Variants in TRPS1 observed in about 807,000 individuals in gnomAD.
TRPS1 encodes transcriptional repressor GATA binding 1.
A neutral mutation model predicts 101.2 loss-of-function variants in TRPS1; 6 were observed. The observed-to-expected ratio is 0.06, with a 90% CI of 0.03 to 0.12. The LOEUF (loss-of-function observed/expected upper bound fraction) is 0.12, where lower values mean the gene tolerates loss of function less well. Among genes scored for constraint, TRPS1 ranks in the 10% least tolerant of loss-of-function variants. The pLI is 1.00. For synonymous variants in TRPS1, 578 were observed against 589.8 expected, an observed-to-expected ratio of 0.98 and a Z score of 0.29; for missense variants, 1,363 against 1,567.0, an observed-to-expected ratio of 0.87 and a Z score of 2.20.
chr8:115,451,788 C>T (rs1324468142), intron 5 of TRPS1, among the ~76,000 whole-genome samples: 1 of 152,176 alleles, frequency 6.6e-6, no homozygotes, highest in Non-Finnish European at 1.5e-5. Flanking sequence ...CAATGAGCCT[C>T]ATGTGGCCTT....
chr8:115,433,329 T>C (rs1318816499), intron 5 of TRPS1, among the ~76,000 whole-genome samples: 3 of 151,690 alleles, frequency 2.0e-5, no homozygotes, highest in Non-Finnish European at 3.0e-5. Flanking sequence ...AAGGGAAAAA[T>C]TCTCTAAGTT....
chr8:115,532,791 G>C (rs1816166861), intron 5 of TRPS1, among the ~76,000 whole-genome samples: 3 of 152,098 alleles, frequency 2.0e-5, no homozygotes, highest in Non-Finnish European at 4.4e-5. Context: ...AGGAATATCA[G>C]GAGATGAGGC....
intron 5 of TRPS1, among the ~76,000 whole-genome samples, chr8:115,537,943 A>T (rs556787191): frequency 7.9e-5 from 12 of 152,174 alleles, no homozygotes; most frequent in Admixed American, 5.9e-4. Context: ...AATGAACCAC[A>T]AGATACATCA....
chr8:115,604,623 C>T lies in TRPS1; in HGVS notation c.1346G>A (p.Cys449Tyr). ...CTCACAGCTGAAACTACAAAATTTA[C>T]ACCAGTAGTAACTGGTGGCCTCTGT... ...NGTEATSYYW[C>Y]KFCSFSCESS... The change falls in exon 4 of 7, where the codon TGT (cysteine) becomes TAT (tyrosine). Residue 449 changes from cysteine (C) to tyrosine (Y), a missense_variant. Cys to Tyr is a radical substitution (Grantham distance 194, BLOSUM62 -2). This residue lies in a region of TRPS1 where 1,020 missense variants were observed against 1,073.0 expected (regional missense o/e 0.95). Transcript: ENST00000395715. The surrounding 1 kb of genome is among the most constrained non-coding windows in gnomAD (Gnocchi z 4.1). 1.2e-6 allele frequency: 2 copies of T among 1,614,052 alleles called. No individual in the cohort carries two copies. Among genetic ancestry groups the T allele is most frequent in the Non-Finnish European group, 1.7e-6 (2 of 1,180,004 alleles).
chr8:115,489,356 A>G (rs1321995813), intron 5 of TRPS1, among the ~76,000 whole-genome samples: 4 of 152,202 alleles, frequency 2.6e-5, no homozygotes, highest in African/African-American at 9.6e-5. Context: ...TTTTAAGGAA[A>G]AATAGTGTTG....
At chr8:115,536,471 G>A (rs1469487563) in intron 5 of TRPS1, among the ~76,000 whole-genome samples, 1 of 147,510 alleles carries the variant, frequency 6.8e-6, no homozygotes, top group Non-Finnish European at 1.5e-5. Flanking sequence ...TGCAGTGAGC[G>A]GAGATTGCGC....
intron 5 of TRPS1, among the ~76,000 whole-genome samples, chr8:115,526,519 A>G (rs1420877557): frequency 6.6e-6 from 1 of 152,202 alleles, no homozygotes; most frequent in Non-Finnish European, 1.5e-5. Flanking sequence ...AATATAATAC[A>G]TCTACAATTT....
chr8:115,424,528 A>G (rs1011979225), intron 5 of TRPS1, among the ~76,000 whole-genome samples: 8 of 152,324 alleles, frequency 5.3e-5, no homozygotes, highest in Non-Finnish European at 1.0e-4. Context: ...AAACATACTA[A>G]TTATGGAGCT....
chr8:115,411,876 C>A lies in TRPS1; in HGVS notation c.*2147G>T, dbSNP rs1812797860. The A allele has an allele frequency of 6.6e-6, 1 of 152,124 alleles. No homozygotes were observed. Among genetic ancestry groups the A allele is most frequent in the South Asian group, 2.1e-4 (1 of 4,826 alleles). The allele number at this position is 152,124 out of a possible 1,614,324, so 9.4% of individuals were successfully genotyped here. ...AGAAAGACATTTTTTTAACTTCATTCGCTACAACAGTCACGAACTGGTTGA... is the reference window on the plus strand; with the variant it reads ...AGAAAGACATTTTTTTAACTTCATTAGCTACAACAGTCACGAACTGGTTGA... On this transcript the variant is annotated 3_prime_UTR_variant, in exon 7 of 7. Transcript: ENST00000395715.
chr8:115,444,777 G>A (rs1177822876), intron 5 of TRPS1, among the ~76,000 whole-genome samples: 1 of 152,042 alleles, frequency 6.6e-6, no homozygotes, highest in Admixed American at 6.5e-5. Flanking sequence ...ATCATTCAGT[G>A]TGACTCCACC....
At chr8:115,480,379 CAG>C (rs1306857910) in intron 5 of TRPS1, among the ~76,000 whole-genome samples, 1 of 152,008 alleles carries the variant, frequency 6.6e-6, no homozygotes, top group Non-Finnish European at 1.5e-5. Flanking sequence ...GGCTGGCTGG[CAG>C]AGTTTCTGTA....
rs547225649 is a variant in TRPS1, at chr8:115,619,707, C to A, written c.391G>T (p.Ala131Ser). Residue 131 changes from alanine (A) to serine (S), a missense_variant, in exon 3 of 7, where the codon GCT becomes TCT. Ala to Ser is a moderately conservative substitution (Grantham distance 99, BLOSUM62 1). Coordinates refer to ENST00000395715, the MANE Select transcript of TRPS1 (RefSeq NM_014112.5). ...RNMLAFSSPA[A>S]GGVCEPLKSP... The stretch of plus-strand genomic sequence containing the variant: ...TTCAAGGGCTCACAGACTCCCCCAG[C>A]AGCTGGAGATGAGAAAGCCAACATA... 4.2e-5 allele frequency: 68 copies of A among 1,614,226 alleles called. No homozygotes were observed. The African/African-American group carries it at 6.9e-4, about 16-fold the overall frequency.
chr8:115,605,116 C>T (rs1290010768), intron 3 of TRPS1, 114 bp from the exon 4 acceptor site: 3 of 914,972 alleles, frequency 3.3e-6, no homozygotes, highest in South Asian at 1.4e-5. Context: ...TACAATAGTA[C>T]TCCTGCTTAT....
chr8:115,582,766 G>T (rs1328881113), intron 5 of TRPS1, among the ~76,000 whole-genome samples: 6 of 152,130 alleles, frequency 3.9e-5, no homozygotes, highest in Non-Finnish European at 7.4e-5. Flanking sequence ...AAATGTAGAT[G>T]TTACAACTGA....
intron 5 of TRPS1, among the ~76,000 whole-genome samples, chr8:115,509,061 A>G (rs78405072): frequency 6.6e-6 from 1 of 151,958 alleles, no homozygotes; most frequent in Non-Finnish European, 1.5e-5. Flanking sequence ...AAATCTTAAA[A>G]TTCCTCTCTG....
intron 5 of TRPS1, among the ~76,000 whole-genome samples, chr8:115,521,451 G>C (rs1323293254): frequency 6.7e-6 from 1 of 148,968 alleles, no homozygotes; most frequent in Non-Finnish European, 1.5e-5. Context: ...TTGACCCAAG[G>C]CTGAGGTTGA....
chr8:115,499,537 T>C (rs1815248745), intron 5 of TRPS1, among the ~76,000 whole-genome samples: 1 of 152,124 alleles, frequency 6.6e-6, no homozygotes, highest in Admixed American at 6.5e-5. Flanking sequence ...ATTTTCAAAT[T>C]GGGATCTTTT....
At chr8:115,513,505 T>TA (rs1410159249) in intron 5 of TRPS1, among the ~76,000 whole-genome samples, 2 of 151,696 alleles carry the variant, frequency 1.3e-5, no homozygotes, top group Admixed American at 1.3e-4. Flanking sequence ...CTATCCATTG[T>TA]AAAGGCTTTT....
At chr8:115,618,926 G>C (rs1818325858) in intron 3 of TRPS1, among the ~76,000 whole-genome samples, 2 of 152,150 alleles carry the variant, frequency 1.3e-5, no homozygotes, top group African/African-American at 4.8e-5. Context: ...TGCTAGGATT[G>C]TTTTCCACAA....
Sources: gnomAD v4.1 joint callset for allele counts (sites outside exome capture counted in the v4.1 genomes callset) on GRCh38, gnomAD v4.1.1 for gene constraint, gnomAD v4.1.1 regional missense constraint, Gnocchi (gnomAD v3.1) non-coding constraint, MANE v1.5 for transcripts, NCBI Gene and HGNC (gene_info 2026-07-23, HGNC 2026-07-21) for gene names.